KMT2C: variants seen among roughly 807,000 people sequenced by gnomAD.
The protein encoded by KMT2C is histone-lysine N-methyltransferase 2C.
Under a neutral mutation model 507.9 loss-of-function variants are expected in KMT2C, and 88 were observed. That is an observed-to-expected ratio of 0.17 (90% confidence interval 0.15 to 0.21). KMT2C has a LOEUF of 0.21. Ranked by LOEUF, KMT2C falls within the 10% of genes least tolerant of loss-of-function variation. The probability of loss-of-function intolerance (pLI) is 1.00; values close to 1 mark genes in which losing one functional copy is unlikely to be tolerated. For synonymous variants in KMT2C, 2,049 were observed against 2,080.8 expected (o/e 0.98, Z 0.42); for missense variants, 4,954 against 5,957.8 (o/e 0.83, Z 5.55).
chr7:152,249,424 A>G (rs1294157437), intron 13 of KMT2C, among the ~76,000 whole-genome samples: 1 of 150,490 alleles, frequency 6.6e-6, no homozygotes, highest in Non-Finnish European at 1.5e-5. Context: ...CCTGGGCTCA[A>G]GTGGTCCTCC....
intron 27 of KMT2C, among the ~76,000 whole-genome samples, chr7:152,196,389 T>A (rs2093962614): frequency 1.3e-5 from 2 of 152,150 alleles, no homozygotes; most frequent in Admixed American, 1.3e-4. Context: ...AGTTAAAATA[T>A]GAAAGACAAA....
rs2129231506 is a variant in KMT2C, at chr7:152,358,650, C to A, written c.187G>T (p.Val63Leu). 1 of 1,608,546 alleles carries A rather than the reference C, an allele frequency of 6.2e-7. No individual in the cohort carries two copies. The highest frequency in any genetic ancestry group is 8.5e-7 in the Non-Finnish European group (1 of 1,176,832). ...CCATCCATGCTGTCCTCATCTTCCA[C>A]TGCAGTTTTCCCCCTACTTCGAGGT... ...KKPRSRGKTAVEDEDSMDGLE... is the reference protein window; with the variant it reads ...KKPRSRGKTALEDEDSMDGLE... Residue 63 changes from valine (V) to leucine (L), a missense_variant, in exon 2 of 59, where the codon GTG (valine) becomes TTG (leucine). Transcript: ENST00000262189.
intron 6 of KMT2C, among the ~76,000 whole-genome samples, chr7:152,288,400 G>A (rs1235814962): frequency 2.0e-5 from 3 of 151,914 alleles, no homozygotes; most frequent in Non-Finnish European, 4.4e-5. Context: ...TGGGCATGGT[G>A]GCACACACCT....
chr7:152,266,904 G>A (rs2095867546), intron 7 of KMT2C, among the ~76,000 whole-genome samples: 2 of 152,282 alleles, frequency 1.3e-5, no homozygotes, highest in South Asian at 4.1e-4. Context: ...AGCTACATTA[G>A]TGAGGTTGCC....
chr7:152,144,664 T>C lies in KMT2C; in HGVS notation c.14343+49A>G. On this transcript the variant is annotated intron_variant, in intron 55 of 58. Coordinates refer to ENST00000262189, the MANE Select transcript of KMT2C (RefSeq NM_170606.3). This position sits in a 1 kb window ranked among gnomAD's most constrained non-coding sequence, Gnocchi z 4.4. ...CTGGACATCAATAGCTTCAGATTGC[T>C]AGACTCCACCCTGTCTCTCCACTTC... is the stretch of plus-strand genomic sequence containing the variant. 6.4e-7 allele frequency: 1 copy of C among 1,559,396 alleles called. No homozygotes were observed. Among genetic ancestry groups the C allele is most frequent in the Middle Eastern group, 1.7e-4 (1 of 5,870 alleles).
intron 3 of KMT2C, among the ~76,000 whole-genome samples, chr7:152,329,266 T>C (rs2096858216): frequency 6.6e-6 from 1 of 151,678 alleles, no homozygotes; most frequent in Admixed American, 6.6e-5. Context: ...AAGAAAATGG[T>C]TCAAGAAGAT....
chr7:152,433,902 T>C (rs1345013095), intron 1 of KMT2C, among the ~76,000 whole-genome samples: 1 of 152,254 alleles, frequency 6.6e-6, no homozygotes, highest in Non-Finnish European at 1.5e-5. Context: ...TACAGGAGTA[T>C]GGGGTGTGGG....
chr7:152,221,459 G>C (rs1350538885), intron 22 of KMT2C, among the ~76,000 whole-genome samples: 1 of 152,008 alleles, frequency 6.6e-6, no homozygotes, highest in Non-Finnish European at 1.5e-5. Context: ...TTACTAATAG[G>C]GAGAAGTAAT....
intron 22 of KMT2C, 134 bp from the exon 23 acceptor site, chr7:152,220,869 GAAT>G (rs2094743354): frequency 1.5e-6 from 1 of 648,656 alleles, no homozygotes; most frequent in African/African-American, 1.8e-5. Context: ...TGAAATGCAT[GAAT>G]AATTAACTTC....
At chr7:152,259,821 TAC>T (rs2095738300) in intron 9 of KMT2C, among the ~76,000 whole-genome samples, 1 of 152,184 alleles carries the variant, frequency 6.6e-6, no homozygotes, top group African/African-American at 2.4e-5. Context: ...CAGCCTTCAC[TAC>T]AGTTTCACAC....
chr7:152,152,679 G>C (rs2129097385), intron 49 of KMT2C, 26 bp downstream of exon 49: 2 of 1,610,662 alleles, frequency 1.2e-6, no homozygotes, highest in Non-Finnish European at 1.7e-6. Flanking sequence ...ATGGATTTGG[G>C]GTTAACAAAA....
chr7:152,229,740 A>G (rs1490425690), intron 18 of KMT2C, among the ~76,000 whole-genome samples, 183 bp downstream of exon 18: 1 of 152,146 alleles, frequency 6.6e-6, no homozygotes. Flanking sequence ...ACAATATAAG[A>G]TTTATAGAGG....
intron 1 of KMT2C, chr7:152,367,601 C>G: frequency 7.6e-7 from 1 of 1,310,438 alleles, no homozygotes; most frequent in Non-Finnish European, 1.1e-6. Context: ...CCAGGTCCTT[C>G]TCATAGAATT....
chr7:152,377,734 C>CAAAA (rs59181675), intron 1 of KMT2C, among the ~76,000 whole-genome samples: 1,422 of 62,546 alleles, frequency 0.023, 41 homozygotes, highest in African/African-American at 0.065. Flanking sequence ...GACTCCGTCT[C>CAAAA]AAAAAAAAAA....
At chr7:152,224,648 A>C in intron 18 of KMT2C, 32 bp from the exon 19 acceptor site, 3 of 1,031,262 alleles carry the variant, frequency 2.9e-6, no homozygotes, top group Non-Finnish European at 4.5e-6. Flanking sequence ...CATGTGATTT[A>C]TGCATTAACC....
At chr7:152,299,642 C>T (rs979867058) in intron 6 of KMT2C, among the ~76,000 whole-genome samples, 3 of 151,848 alleles carry the variant, frequency 2.0e-5, no homozygotes, top group Non-Finnish European at 4.4e-5. Flanking sequence ...GAGTAAGACC[C>T]CATCTTGGCA....
chr7:152,345,040 T>C (rs2097043625), intron 2 of KMT2C, among the ~76,000 whole-genome samples: 1 of 147,788 alleles, frequency 6.8e-6, no homozygotes, highest in Non-Finnish European at 1.5e-5. Flanking sequence ...ACAAAAAGAG[T>C]GGAAGACAAA....
At position 152,135,024 on chromosome 7, in the gene KMT2C, T is replaced by C. The variant is rs1287285283; in HGVS notation, c.*1808A>G. On this transcript the variant is annotated 3_prime_UTR_variant, in exon 59 of 59. Coordinates refer to ENST00000262189, the MANE Select transcript of KMT2C (RefSeq NM_170606.3). Reference sequence around the variant, plus strand: ...ACTCTGTATACTTCAAAAAATTCAATTTTTGCCAACATTAGATACTATTAT... The same window carrying C: ...ACTCTGTATACTTCAAAAAATTCAACTTTTGCCAACATTAGATACTATTAT... 1 of 228,874 alleles carries C rather than the reference T, an allele frequency of 4.4e-6. No individual in the cohort carries two copies. The highest frequency in any genetic ancestry group is 2.2e-5 in the African/African-American group (1 of 45,084). 14.2% of individuals were successfully genotyped at this position (228,874 alleles called of 1,614,324 possible).
chr7:152,229,782 A>G, intron 18 of KMT2C, 141 bp downstream of exon 18: 1 of 371,720 alleles, frequency 2.7e-6, no homozygotes. Context: ...AACCCTTAAA[A>G]GCAGTATTTT....
Sources: gnomAD v4.1 joint callset for allele counts (sites outside exome capture counted in the v4.1 genomes callset) on GRCh38, gnomAD v4.1.1 for gene constraint, Gnocchi (gnomAD v3.1) non-coding constraint, MANE v1.5 for transcripts, NCBI Gene and HGNC (gene_info 2026-07-23, HGNC 2026-07-21) for gene names.